The following SIRT1 variants were observed in gnomAD, a reference collection of about 807,000 sequenced individuals.
The protein encoded by SIRT1 is sirtuin 1.
In SIRT1, 24 loss-of-function variants were observed where a neutral mutation model predicts 67.9. The observed-to-expected ratio is 0.35, with a 90% CI of 0.26 to 0.50. The LOEUF (loss-of-function observed/expected upper bound fraction) is 0.50. SIRT1 is among the 20% of genes least tolerant of loss of function. The pLI, the probability that SIRT1 is intolerant of heterozygous loss-of-function variation, is 0.98. For synonymous variants in SIRT1, 378 were observed against 350.7 expected, an observed-to-expected ratio of 1.08 and a Z score of -0.87; for missense variants, 873 against 937.2, an observed-to-expected ratio of 0.93 and a Z score of 0.89.
rs552901534 is a variant in SIRT1, at chr10:67,884,702, G to A, written c.-20G>A. 5.9e-5 allele frequency: 73 copies of A among 1,228,432 alleles called. No individual in the cohort carries two copies. The East Asian group carries it at 1.9e-3, about 31-fold the overall frequency. 76.1% of individuals were successfully genotyped at this position (1,228,432 alleles called of 1,614,324 possible). On this transcript the variant is annotated 5_prime_UTR_variant, in exon 1 of 9. Transcript: ENST00000212015. Reference sequence around the variant, plus strand: ...GGAGCAGAGGAGGCGAGGGAGGAGGGCCAGAGAGGCAGTTGGAAGATGGCG... The same window carrying A: ...GGAGCAGAGGAGGCGAGGGAGGAGGACCAGAGAGGCAGTTGGAAGATGGCG...
intron 1 of SIRT1, among the ~76,000 whole-genome samples, chr10:67,885,794 T>C (rs1302066925): frequency 6.6e-6 from 1 of 152,160 alleles, no homozygotes; most frequent in Non-Finnish European, 1.5e-5. Context: ...GCTGTTCATA[T>C]TACTTTTATT....
intron 1 of SIRT1, 176 bp downstream of exon 1, chr10:67,885,327 G>A: frequency 1.6e-6 from 2 of 1,239,480 alleles, no homozygotes; most frequent in Non-Finnish European, 1.0e-6. Context: ...TACTGCGCGA[G>A]CTGCCAGTGG....
At chr10:67,887,125 G>A (rs1589066818) in intron 1 of SIRT1, among the ~76,000 whole-genome samples, 1 of 152,262 alleles carries the variant, frequency 6.6e-6, no homozygotes, top group South Asian at 2.1e-4. Context: ...GCCTGCCTCG[G>A]CCTCCCAAAG....
In SIRT1 at chr10:67,917,258, T is replaced by TA. The variant is rs1279589585; in HGVS notation, c.*666dup. 6.6e-6 allele frequency: 1 copy of TA among 152,636 alleles called. No homozygotes were observed. The highest frequency in any genetic ancestry group is 1.5e-5 in the Non-Finnish European group (1 of 68,028). 9.5% of individuals were successfully genotyped at this position (152,636 alleles called of 1,614,324 possible). A position where few individuals can be genotyped will look rare whatever the true frequency, so the allele number is the denominator to read the frequency against. On this transcript the variant is annotated 3_prime_UTR_variant, in exon 9 of 9. Transcript: ENST00000212015. The stretch of plus-strand genomic sequence containing the variant: ...CTAAGAATTTCAGGATTATTGTATT[T>TA]ACGTTCAAATGAAGATGGCTTTTGT...
chr10:67,890,363 T>C (rs2131850690), intron 3 of SIRT1, among the ~76,000 whole-genome samples: 1 of 152,276 alleles, frequency 6.6e-6, no homozygotes, highest in East Asian at 1.9e-4. Flanking sequence ...TATACATTGT[T>C]TTTTTTAATG....
chr10:67,907,656 T>C (rs981510717), intron 5 of SIRT1, among the ~76,000 whole-genome samples: 1 of 152,056 alleles, frequency 6.6e-6, no homozygotes, highest in Non-Finnish European at 1.5e-5. Flanking sequence ...AACAGGCCAT[T>C]AGGTATCTAA....
At chr10:67,904,126 TG>T (rs142722894) in intron 4 of SIRT1, among the ~76,000 whole-genome samples, 3,612 of 131,356 alleles carry the variant, frequency 0.027, 72 homozygotes, top group Non-Finnish European at 0.031. Flanking sequence ...TTTTTTTGTT[TG>T]TTTTTTTTTT....
At chr10:67,885,398 A>G in intron 1 of SIRT1, 1 of 1,229,340 alleles carries the variant, frequency 8.1e-7, no homozygotes, top group Non-Finnish European at 1.0e-6. Flanking sequence ...CGCAGCAGCC[A>G]GGTCGGGAGA....
At chr10:67,901,689 C>T (rs1245275085) in intron 4 of SIRT1, among the ~76,000 whole-genome samples, 2 of 152,234 alleles carry the variant, frequency 1.3e-5, no homozygotes, top group Non-Finnish European at 2.9e-5. Flanking sequence ...TGGCGACTGG[C>T]AGTTTAACTA....
At chr10:67,891,738 C>A (rs896185262) in intron 4 of SIRT1, among the ~76,000 whole-genome samples, 184 bp downstream of exon 4, 1 of 152,124 alleles carries the variant, frequency 6.6e-6, no homozygotes, top group Non-Finnish European at 1.5e-5. Context: ...TTATCTACTT[C>A]ATTTTAGGAG....
chr10:67,900,141 T>TA (rs1842719430), intron 4 of SIRT1, among the ~76,000 whole-genome samples: 1 of 152,046 alleles, frequency 6.6e-6, no homozygotes, highest in Non-Finnish European at 1.5e-5. Flanking sequence ...CAGCTTTATT[T>TA]TTTATTTATT....
At chr10:67,905,878 G>C (rs182621855) in intron 4 of SIRT1, among the ~76,000 whole-genome samples, 127 of 152,212 alleles carry the variant, frequency 8.3e-4, no homozygotes, top group African/African-American at 2.9e-3. Context: ...CCACTATTAT[G>C]GATGTACCAT....
chr10:67,885,941 CTTTTTTT>C (rs766544980), intron 1 of SIRT1, among the ~76,000 whole-genome samples: 30 of 95,558 alleles, frequency 3.1e-4, no homozygotes, highest in South Asian at 1.5e-3. Flanking sequence ...TTGAAGGTTT[CTTTTTTT>C]TTTTTTTTTT....
rs201058854 is a variant in SIRT1, at chr10:67,912,669, A to G, written c.1553A>G (p.Gln518Arg). ...SEITEKPPRTQKELAYLSELP... is the reference protein window; with the variant it reads ...SEITEKPPRTRKELAYLSELP... ...ATTACTGAAAAACCTCCACGAACAC[A>G]AAAAGAATTGGCTTATTTGTCAGAG... Residue 518 changes from glutamine to arginine, a missense_variant, in exon 8 of 9, where the codon CAA becomes CGA. Coordinates refer to ENST00000212015, the MANE Select transcript of SIRT1 (RefSeq NM_012238.5). The G allele has an allele frequency of 9.9e-6, 16 of 1,614,070 alleles. No individual in the cohort carries two copies. The highest frequency in any genetic ancestry group is 1.4e-5 in the Non-Finnish European group (16 of 1,180,042).
chr10:67,893,989 G>T (rs1842614531), intron 4 of SIRT1, among the ~76,000 whole-genome samples: 1 of 152,224 alleles, frequency 6.6e-6, no homozygotes, highest in South Asian at 2.1e-4. Flanking sequence ...AAAAAAAAGT[G>T]ATTTTTTGGA....
chr10:67,886,761 T>C (rs540718870), intron 1 of SIRT1, among the ~76,000 whole-genome samples: 86 of 152,286 alleles, frequency 5.6e-4, no homozygotes, highest in Non-Finnish European at 9.3e-4. Flanking sequence ...AAGGTTATAT[T>C]TGAATGACGT....
At chr10:67,887,584 T>G (rs374695967) in intron 2 of SIRT1, 51 bp downstream of exon 2, 146 of 1,287,248 alleles carry the variant, frequency 1.1e-4, no homozygotes, top group Non-Finnish European at 1.5e-4. Flanking sequence ...GTTTTTGGTT[T>G]GTTTGTTTTG....
chr10:67,890,260 T>TA (rs1407726753), intron 3 of SIRT1, among the ~76,000 whole-genome samples: 1 of 152,184 alleles, frequency 6.6e-6, no homozygotes, highest in Admixed American at 6.5e-5. Context: ...TTCACCATAT[T>TA]GGCCAGGCTG....
chr10:67,910,107 G>A (rs1842877209), intron 7 of SIRT1, among the ~76,000 whole-genome samples: 1 of 152,078 alleles, frequency 6.6e-6, no homozygotes, highest in African/African-American at 2.4e-5. Context: ...AATGTTGGTG[G>A]CTCGTGCCTG....
Sources: gnomAD v4.1 joint callset for allele counts (sites outside exome capture counted in the v4.1 genomes callset) on GRCh38, gnomAD v4.1.1 for gene constraint, MANE v1.5 for transcripts, NCBI Gene and HGNC (gene_info 2026-07-23, HGNC 2026-07-21) for gene names.